Variants in COMMD10 observed in about 807,000 individuals in gnomAD.
COMMD10 encodes the protein COMM domain containing 10.
In COMMD10, 33 loss-of-function variants were observed where a neutral mutation model predicts 28.9. The observed-to-expected ratio is 1.14, with a 90% CI of 0.87 to 1.53. The LOEUF is 1.53. COMMD10 is among the 40% of genes most tolerant of loss of function. COMMD10 has a pLI of 0.00. For synonymous variants in COMMD10, 110 were observed against 81.7 expected (o/e 1.35, Z -1.87); for missense variants, 310 against 233.4 (o/e 1.33, Z -2.14).
chr5:116,216,307 T>G (rs1193736399), intron 5 of COMMD10, among the ~76,000 whole-genome samples: 1 of 152,182 alleles, frequency 6.6e-6, no homozygotes. Context: ...TAACAAAAGG[T>G]AGAAAAACTC....
intron 5 of COMMD10, among the ~76,000 whole-genome samples, chr5:116,221,857 C>A (rs764401001): frequency 2.6e-5 from 4 of 151,928 alleles, no homozygotes; most frequent in Non-Finnish European, 5.9e-5. Context: ...TTTTTTCTTA[C>A]CAGAGAACAC....
chr5:116,205,001 A>G (rs936626168), intron 5 of COMMD10, among the ~76,000 whole-genome samples: 1 of 152,088 alleles, frequency 6.6e-6, no homozygotes, highest in African/African-American at 2.4e-5. Flanking sequence ...GCATGATAAA[A>G]CTTGCCATCT....
chr5:116,244,058 A>C (rs75955845), intron 5 of COMMD10, among the ~76,000 whole-genome samples: 2,288 of 152,236 alleles, frequency 0.015, 58 homozygotes, highest in African/African-American at 0.048. Flanking sequence ...ATATATCTAT[A>C]TATCATGTAT....
intron 5 of COMMD10, among the ~76,000 whole-genome samples, chr5:116,176,467 T>G (rs1753515775): frequency 6.6e-6 from 1 of 152,214 alleles, no homozygotes; most frequent in Non-Finnish European, 1.5e-5. Context: ...CTAAAACATT[T>G]AACCTAACAT....
At chr5:116,226,136 C>G (rs1447834568) in intron 5 of COMMD10, among the ~76,000 whole-genome samples, 5 of 151,994 alleles carry the variant, frequency 3.3e-5, no homozygotes, top group Non-Finnish European at 2.9e-5. Flanking sequence ...AAATAAAACT[C>G]TCTTCAGCCT....
chr5:116,232,865 A>C (rs1411982355), intron 5 of COMMD10, among the ~76,000 whole-genome samples: 1 of 152,176 alleles, frequency 6.6e-6, no homozygotes, highest in African/African-American at 2.4e-5. Context: ...GCAACCTATG[A>C]GATACAGGAC....
At chr5:116,184,182 AG>A (rs1481408719) in intron 5 of COMMD10, among the ~76,000 whole-genome samples, 3 of 150,642 alleles carry the variant, frequency 2.0e-5, no homozygotes, top group African/African-American at 7.3e-5. Context: ...ACGTAGAAAA[AG>A]GACAGACATT....
chr5:116,177,195 T>C (rs183983155), intron 5 of COMMD10, among the ~76,000 whole-genome samples: 9 of 152,164 alleles, frequency 5.9e-5, no homozygotes, highest in Admixed American at 5.2e-4. Context: ...AGTGTCTTAA[T>C]GGAGATGGGA....
chr5:116,188,739 C>G (rs956553700), intron 5 of COMMD10, among the ~76,000 whole-genome samples: 1 of 150,942 alleles, frequency 6.6e-6, no homozygotes, highest in African/African-American at 2.5e-5. Context: ...AGCAATCCTC[C>G]CACCTCAGCC....
In COMMD10 at chr5:116,291,503, T is replaced by G; in HGVS notation, c.511-14T>G. ...GTGCAACTACATTCTTTTTGTTGTT[T>G]TTCTTCCTTACAGAGCCTGGAGAAA... On this transcript the variant is annotated splice_polypyrimidine_tract_variant and intron_variant, in intron 5 of 6. Coordinates refer to ENST00000274458, the MANE Select transcript of COMMD10 (RefSeq NM_016144.4). 1 of 1,585,136 alleles carries G rather than the reference T, an allele frequency of 6.3e-7. No individual in the cohort carries two copies. Among genetic ancestry groups the G allele is most frequent in the South Asian group, 1.2e-5 (1 of 86,652 alleles).
intron 5 of COMMD10, among the ~76,000 whole-genome samples, chr5:116,254,368 T>C (rs1313798685): frequency 1.3e-5 from 2 of 152,092 alleles, no homozygotes; most frequent in Non-Finnish European, 2.9e-5. Context: ...CTTGCTTTTC[T>C]AGTTCTTTTA....
chr5:116,175,618 C>G (rs1753480285), intron 5 of COMMD10, among the ~76,000 whole-genome samples: 1 of 5,130 alleles, frequency 1.9e-4, no homozygotes, highest in African/African-American at 8.3e-4. Context: ...GTGGAGGCAA[C>G]CCAAGTATTT....
chr5:116,258,690 T>C (rs1335563140), intron 5 of COMMD10, among the ~76,000 whole-genome samples: 1 of 151,810 alleles, frequency 6.6e-6, no homozygotes. Context: ...TTTGTACCAC[T>C]GTAGATGACC....
chr5:116,197,826 A>T (rs73257274), intron 5 of COMMD10, among the ~76,000 whole-genome samples: 2 of 152,196 alleles, frequency 1.3e-5, no homozygotes, highest in Non-Finnish European at 2.9e-5. Context: ...TCCAGTTCAC[A>T]TAAAGAAGTA....
chr5:116,283,433 A>AC (rs1056692140), intron 5 of COMMD10, among the ~76,000 whole-genome samples: 9 of 149,788 alleles, frequency 6.0e-5, no homozygotes, highest in Admixed American at 2.7e-4. Flanking sequence ...TGCAACCTCC[A>AC]CCTCCCGGGT....
At position 116,154,152 on chromosome 5, in the gene COMMD10, A is replaced by T. The variant is rs912574979; in HGVS notation, c.510+19974A>T. On this transcript the variant is annotated intron_variant, in intron 5 of 6. Transcript: ENST00000274458. ...GCGTTATTACTTAACTGCTTTGTAG[A>T]GTGTAAACATTATCATTTTCTGTCA... 2.6e-5 allele frequency among the ~76,000 whole-genome samples: 4 copies of T among 151,838 alleles called. No individual in the cohort carries two copies. The South Asian group carries it at 8.3e-4, about 31-fold the overall frequency.
At position 116,164,481 on chromosome 5, in the gene COMMD10, C is replaced by A. The variant is rs79228010; in HGVS notation, c.510+30303C>A. Among the ~76,000 whole-genome samples, 464 of 152,252 alleles carry A rather than the reference C, an allele frequency of 3.0e-3. 3 individuals are homozygous for A. The highest frequency in any genetic ancestry group is 4.4e-3 in the Non-Finnish European group (298 of 68,010). On this transcript the variant is annotated intron_variant, in intron 5 of 6. Transcript: ENST00000274458. ...TAATTTTTCATTGGTTTAGAGAAGT[C>A]TTCTCAGTGAGCATGCCTTTGTTGT...
intron 5 of COMMD10, among the ~76,000 whole-genome samples, chr5:116,164,914 G>A (rs940168160): frequency 5.9e-5 from 9 of 152,168 alleles, no homozygotes; most frequent in Admixed American, 4.6e-4. Context: ...GAATTTGTCT[G>A]AAGTCCTTGC....
chr5:116,127,171 A>G (rs554211395), intron 4 of COMMD10, among the ~76,000 whole-genome samples: 32 of 152,368 alleles, frequency 2.1e-4, no homozygotes, highest in African/African-American at 7.7e-4. Context: ...AGACACATGA[A>G]AAAATGTTCA....
Sources: gnomAD v4.1 joint callset for allele counts (sites outside exome capture counted in the v4.1 genomes callset) on GRCh38, gnomAD v4.1.1 for gene constraint, MANE v1.5 for transcripts, NCBI Gene and HGNC (gene_info 2026-07-23, HGNC 2026-07-21) for gene names.